Variants in UNC80 observed in about 807,000 individuals in gnomAD.
The protein encoded by UNC80 is unc-80 subunit of NALCN channel complex.
In UNC80, 164 loss-of-function variants were observed where a neutral mutation model predicts 384.6. That is an observed-to-expected ratio of 0.43 (90% CI 0.38 to 0.49). The LOEUF (loss-of-function observed/expected upper bound fraction) is 0.49. Among genes scored for constraint, UNC80 ranks in the 20% least tolerant of loss-of-function variants. UNC80 has a pLI of 0.00. For missense variants in UNC80, 3,330 were observed against 4,143.0 expected (o/e 0.80, Z 5.39); for synonymous variants, 1,486 against 1,527.8 (o/e 0.97, Z 0.64).
intron 22 of UNC80, among the ~76,000 whole-genome samples, chr2:209,870,775 G>C (rs774470620): frequency 6.6e-6 from 1 of 152,162 alleles, no homozygotes; most frequent in Non-Finnish European, 1.5e-5. Flanking sequence ...GTGTGTTTGG[G>C]ATACTTTGGT....
chr2:209,822,942 T>C (rs1442579889), intron 13 of UNC80, among the ~76,000 whole-genome samples: 1 of 152,160 alleles, frequency 6.6e-6, no homozygotes, highest in Non-Finnish European at 1.5e-5. Flanking sequence ...AATAATATTC[T>C]TTTTAGTACA....
At chr2:209,894,064 C>A (rs1390952456) in intron 26 of UNC80, 99 bp from the exon 27 acceptor site, 1 of 811,328 alleles carries the variant, frequency 1.2e-6, no homozygotes, top group Non-Finnish European at 1.5e-6. Context: ...TCCAGGCCAG[C>A]AGAGGAGGCT....
At chr2:209,883,597 AT>A (rs1022846335) in intron 25 of UNC80, among the ~76,000 whole-genome samples, 4 of 151,378 alleles carry the variant, frequency 2.6e-5, no homozygotes, top group South Asian at 4.2e-4. Context: ...TGCCCAGCTA[AT>A]TTTTTTTATT....
chr2:209,789,753 T>G, intron 6 of UNC80, 148 bp downstream of exon 6: 1 of 559,538 alleles, frequency 1.8e-6, no homozygotes, highest in South Asian at 2.7e-5. Context: ...AGCTTCAGGT[T>G]TTTTATCAGT....
chr2:209,959,345 C>T (rs1042766937), intron 50 of UNC80, 144 bp from the exon 51 acceptor site: 153 of 1,061,698 alleles, frequency 1.4e-4, no homozygotes, highest in Middle Eastern at 2.2e-4. Context: ...CTTTATCCTT[C>T]GGATGAGGTT....
Position 209,982,345 on chromosome 2 carries a change from T to TG in UNC80, c.9257+29dup, listed in dbSNP as rs1377676362. 2.7e-6 allele frequency: 4 copies of TG among 1,501,934 alleles called. No homozygotes were observed. The Admixed American group carries it at 6.8e-5, about 25-fold the overall frequency. The allele number at this position is 1,501,934 out of a possible 1,614,324, so 93.0% of individuals were successfully genotyped here. A position where few individuals can be genotyped will look rare whatever the true frequency, so the allele number is the denominator to read the frequency against. ...AAACAGCTATGGTTATACTGTACTC[T>TG]GCATTTGGGGGCAAAGTTAGAAATT... On this transcript the variant is annotated intron_variant, in intron 60 of 64. Coordinates refer to ENST00000673920, the MANE Select transcript of UNC80 (RefSeq NM_001371986.1).
At position 209,829,246 on chromosome 2, in the gene UNC80, C is replaced by T. The variant is rs1008669570; in HGVS notation, c.2493C>T (p.Leu831=). ...CTTCATTGCAGGCCCAGAACTGCCT[C>T]ACTAAGCTATACAAGCTAGATAAGA... The part of the protein sequence containing the change: ...QVFRENAQNC[L]TKLYKLDKMQ... Residue 831 remains leucine (L), a synonymous_variant, in exon 15 of 65, where the codon CTC becomes CTT. Transcript: ENST00000673920. 4.5e-6 allele frequency: 7 copies of T among 1,551,152 alleles called. No individual in the cohort carries two copies. Among genetic ancestry groups the T allele is most frequent in the Non-Finnish European group, 6.1e-6 (7 of 1,146,692 alleles).
intron 4 of UNC80, among the ~76,000 whole-genome samples, chr2:209,778,704 A>C (rs960400113): frequency 6.6e-6 from 1 of 152,230 alleles, no homozygotes; most frequent in Non-Finnish European, 1.5e-5. Flanking sequence ...CATGAAAAGA[A>C]ATCAAGAACT....
chr2:209,891,331 T>A (rs904119955), intron 26 of UNC80, among the ~76,000 whole-genome samples: 1 of 152,098 alleles, frequency 6.6e-6, no homozygotes, highest in Non-Finnish European at 1.5e-5. Flanking sequence ...TGAAGAAGTA[T>A]CAAATGAATA....
chr2:209,781,525 A>G (rs2077154637), intron 4 of UNC80, among the ~76,000 whole-genome samples: 1 of 152,142 alleles, frequency 6.6e-6, no homozygotes, highest in African/African-American at 2.4e-5. Flanking sequence ...TAAAACTATC[A>G]TCATGCCCTC....
rs2093507047 is a variant in UNC80, at chr2:209,997,948, T to C, written c.*2353T>C. The C allele has an allele frequency of 6.6e-6, 1 of 151,830 alleles. No homozygotes were observed. Among genetic ancestry groups the C allele is most frequent in the Non-Finnish European group, 1.5e-5 (1 of 67,946 alleles). The allele number at this position is 151,830 out of a possible 1,614,324, so 9.4% of individuals were successfully genotyped here. On this transcript the variant is annotated 3_prime_UTR_variant, in exon 65 of 65. Transcript: ENST00000673920. ...ACCTGGAGTTTGAAAGGAATAACTA[T>C]TAAAAAAAAAAGTTGGGGAAGATTA...
intron 7 of UNC80, among the ~76,000 whole-genome samples, chr2:209,802,060 A>G (rs2078596592): frequency 6.6e-6 from 1 of 152,146 alleles, no homozygotes; most frequent in South Asian, 2.1e-4. Flanking sequence ...AATGGCGATA[A>G]GCATTTAAAA....
At position 209,829,395 on chromosome 2, in the gene UNC80, C is replaced by T. The variant is rs1022846929; in HGVS notation, c.2626+16C>T. 42 of 1,550,698 alleles carry T rather than the reference C, an allele frequency of 2.7e-5. No individual in the cohort carries two copies. The highest frequency in any genetic ancestry group is 3.5e-5 in the Non-Finnish European group (40 of 1,146,482). On this transcript the variant is annotated intron_variant, in intron 15 of 64. Coordinates refer to ENST00000673920, the MANE Select transcript of UNC80 (RefSeq NM_001371986.1). Reference sequence around the variant, plus strand: ...GTCACTGACAGTAAGTAAAGCTGCACCCAAGTTCTAGGAGAAGTCGTTGTG... The same window carrying T: ...GTCACTGACAGTAAGTAAAGCTGCATCCAAGTTCTAGGAGAAGTCGTTGTG...
In UNC80 at chr2:209,869,836, C is replaced by G. The variant is rs1007144607; in HGVS notation, c.3628-2922C>G. ...AAACTTGGATTAGAATTTCCCACAG[C>G]CTGTAACTGATAATATCTCAGTTTT... On this transcript the variant is annotated intron_variant, in intron 22 of 64. Coordinates refer to ENST00000673920, the MANE Select transcript of UNC80 (RefSeq NM_001371986.1). 1.4e-4 allele frequency among the ~76,000 whole-genome samples: 22 copies of G among 152,234 alleles called. 1 individual carries two copies. The highest frequency in any genetic ancestry group is 5.3e-4 in the African/African-American group (22 of 41,542).
chr2:209,793,638 T>C lies in UNC80; in HGVS notation c.799-82T>C. On this transcript the variant is annotated intron_variant, in intron 6 of 64. Coordinates refer to ENST00000673920, the MANE Select transcript of UNC80 (RefSeq NM_001371986.1). ...TATATGGAACCATGTTGTAATATGG[T>C]AGCTAATTCTAGATGATATAGCTAC... is the stretch of plus-strand genomic sequence containing the variant. 2.0e-6 allele frequency: 3 copies of C among 1,518,162 alleles called. No individual in the cohort carries two copies. The South Asian group carries it at 3.8e-5, about 19-fold the overall frequency. The allele number at this position is 1,518,162 out of a possible 1,614,324, so 94.0% of individuals were successfully genotyped here. A position where few individuals can be genotyped will look rare whatever the true frequency, so the allele number is the denominator to read the frequency against.
intron 13 of UNC80, among the ~76,000 whole-genome samples, chr2:209,822,742 A>C (rs1278330775): frequency 6.6e-6 from 1 of 152,042 alleles, no homozygotes; most frequent in African/African-American, 2.4e-5. Flanking sequence ...TTTTAACCAC[A>C]TTTTTATTGA....
At chr2:209,981,130 G>T (rs1314013238) in intron 59 of UNC80, among the ~76,000 whole-genome samples, 2 of 152,064 alleles carry the variant, frequency 1.3e-5, no homozygotes, top group Non-Finnish European at 2.9e-5. Flanking sequence ...AGTATCAGAT[G>T]GTCTTACACA....
rs751338400 is a variant in UNC80 at position 209,819,222 on chromosome 2, C to G, written c.1923C>G (p.Thr641=). Residue 641 remains threonine, a synonymous_variant, in exon 12 of 65, where the codon ACC becomes ACG. Transcript: ENST00000673920. Reference sequence around the variant, plus strand: ...AGGACACAGAACATATTGACGGGACCAATAACTTTGTCCACAAGAATGGAA... The same window carrying G: ...AGGACACAGAACATATTGACGGGACGAATAACTTTGTCCACAAGAATGGAA... ...YLEDTEHIDG[T]NNFVHKNGML... 29 of 1,551,432 alleles carry G rather than the reference C, an allele frequency of 1.9e-5. No individual in the cohort carries two copies. The highest frequency in any genetic ancestry group is 1.2e-5 in the South Asian group (1 of 83,982).
At chr2:209,838,023 G>A (rs112017087) in intron 18 of UNC80, among the ~76,000 whole-genome samples, 28,229 of 151,794 alleles carry the variant, frequency 0.19, 2,933 homozygotes, top group Non-Finnish European at 0.23. Context: ...CGCCTGCCTC[G>A]GCCTCCCAAA....
Sources: allele counts gnomAD v4.1 joint callset (sites outside exome capture counted in the v4.1 genomes callset), GRCh38; gene constraint gnomAD v4.1.1; transcripts MANE v1.5; gene names NCBI Gene and HGNC (gene_info 2026-07-23, HGNC 2026-07-21).